The following PAMR1 variants were observed in gnomAD, a reference collection of about 807,000 sequenced individuals.
PAMR1 encodes inactive serine protease PAMR1.
Under a neutral mutation model 81.8 loss-of-function variants are expected in PAMR1, and 88 were observed. The observed-to-expected ratio is 1.08, with a 90% CI of 0.91 to 1.28. The LOEUF (loss-of-function observed/expected upper bound fraction) is 1.28. PAMR1 is among the 50% of genes most tolerant of loss of function. The pLI is 0.00. For missense variants in PAMR1, 935 were observed against 919.7 expected, an observed-to-expected ratio of 1.02 and a Z score of -0.21; for synonymous variants, 336 against 345.3, an observed-to-expected ratio of 0.97 and a Z score of 0.30.
Position 35,431,912 on chromosome 11 carries a change from T to C in PAMR1, c.*444A>G, listed in dbSNP as rs899945125. On this transcript the variant is annotated 3_prime_UTR_variant, in exon 11 of 11. Coordinates refer to ENST00000619888, the MANE Select transcript of PAMR1 (RefSeq NM_001001991.3). ...AAAGGACCAGACTGTACTGTGGCCA[T>C]GTACACAAAGGCATGCACCACATCC... 2.2e-5 allele frequency: 4 copies of C among 178,830 alleles called. No homozygotes were observed. The highest frequency in any genetic ancestry group is 7.1e-5 in the African/African-American group (3 of 42,036). 11.1% of individuals were successfully genotyped at this position (178,830 alleles called of 1,614,324 possible).
intron 6 of PAMR1, among the ~76,000 whole-genome samples, chr11:35,459,628 C>T (rs774594517): frequency 7.9e-5 from 12 of 152,280 alleles, no homozygotes; most frequent in African/African-American, 2.2e-4. Context: ...GAAGATTCCT[C>T]GGCTGCTAGG....
chr11:35,489,951 T>C (rs1031816126), intron 3 of PAMR1, among the ~76,000 whole-genome samples: 1 of 152,268 alleles, frequency 6.6e-6, no homozygotes, highest in African/African-American at 2.4e-5. Context: ...TGTATTAATC[T>C]GTTCCCACAC....
chr11:35,471,602 A>G (rs1158187817), intron 4 of PAMR1, among the ~76,000 whole-genome samples: 1 of 147,668 alleles, frequency 6.8e-6, no homozygotes, highest in Non-Finnish European at 1.5e-5. Context: ...TCACCCAAAG[A>G]GTAGAGAAAG....
intron 7 of PAMR1, among the ~76,000 whole-genome samples, chr11:35,440,990 T>C (rs1856152724): frequency 6.6e-6 from 1 of 152,200 alleles, no homozygotes; most frequent in Non-Finnish European, 1.5e-5. Flanking sequence ...CCTATAACTA[T>C]CCCTTGAATG....
chr11:35,490,827 C>T (rs1850610759), intron 3 of PAMR1, among the ~76,000 whole-genome samples: 1 of 152,138 alleles, frequency 6.6e-6, no homozygotes, highest in Non-Finnish European at 1.5e-5. Context: ...CATTATTCTC[C>T]TTTTTTATAA....
intron 6 of PAMR1, among the ~76,000 whole-genome samples, chr11:35,452,668 G>C (rs561653216): frequency 3.2e-4 from 49 of 152,168 alleles, no homozygotes; most frequent in African/African-American, 1.1e-3. Context: ...AAATGTGACT[G>C]TAAAATTTTG....
At chr11:35,472,975 T>C (rs61880922) in intron 4 of PAMR1, among the ~76,000 whole-genome samples, 3,881 of 152,174 alleles carry the variant, frequency 0.026, 108 homozygotes, top group Admixed American at 0.077. Flanking sequence ...AGAGAGGAGA[T>C]GGCAGAGCTG....
At chr11:35,436,233 T>C in intron 8 of PAMR1, 98 bp from the exon 9 acceptor site, 1 of 754,878 alleles carries the variant, frequency 1.3e-6, no homozygotes, top group Non-Finnish European at 2.3e-6. Flanking sequence ...GATATTTGTT[T>C]ACAGAAACAG....
intron 3 of PAMR1, among the ~76,000 whole-genome samples, chr11:35,482,676 T>C (rs1019491322): frequency 6.6e-6 from 1 of 152,212 alleles, no homozygotes; most frequent in African/African-American, 2.4e-5. Context: ...GAGGATGGAA[T>C]GTTTTTCCAT....
intron 1 of PAMR1, among the ~76,000 whole-genome samples, chr11:35,519,974 G>T (rs1018240748): frequency 2.6e-5 from 4 of 152,110 alleles, no homozygotes; most frequent in Non-Finnish European, 5.9e-5. Context: ...AAGCTCTTTT[G>T]TGTATGAAGT....
At chr11:35,468,436 A>G (rs1367489727) in intron 5 of PAMR1, among the ~76,000 whole-genome samples, 2 of 152,344 alleles carry the variant, frequency 1.3e-5, no homozygotes, top group African/African-American at 4.8e-5. Flanking sequence ...TAGGGGTTTC[A>G]GCGGACAGAG....
intron 3 of PAMR1, among the ~76,000 whole-genome samples, chr11:35,485,950 C>G (rs891249744): frequency 6.6e-6 from 1 of 152,238 alleles, no homozygotes; most frequent in Non-Finnish European, 1.5e-5. Context: ...ATGTAGGCGA[C>G]CCTTAACGTA....
intron 6 of PAMR1, among the ~76,000 whole-genome samples, chr11:35,450,821 A>G (rs901458981): frequency 6.6e-6 from 1 of 152,238 alleles, no homozygotes; most frequent in Non-Finnish European, 1.5e-5. Flanking sequence ...CTGGAGTTGA[A>G]AAGTGTCTTT....
intron 9 of PAMR1, among the ~76,000 whole-genome samples, chr11:35,435,486 G>A (rs1856020685): frequency 6.6e-6 from 1 of 152,094 alleles, no homozygotes; most frequent in African/African-American, 2.4e-5. Context: ...GAGATTACAG[G>A]CATGAGCCAC....
At position 35,470,693 on chromosome 11, in the gene PAMR1, A is replaced by G; in HGVS notation, c.620T>C (p.Ile207Thr). Residue 207 changes from isoleucine to threonine, a missense_variant, in exon 5 of 11, where the codon ATC becomes ACC. By Grantham distance (89) the Ile-to-Thr change is moderately conservative. Coordinates refer to ENST00000619888, the MANE Select transcript of PAMR1 (RefSeq NM_001001991.3). ...RVCGNERPAP[I>T]QSIGSSLHVL... ...GTGGAGTGAGGATCCTATGCTCTGG[A>G]TAGGAGCTGGCCGCTCGTTGCCACA... The G allele has an allele frequency of 6.2e-7, 1 of 1,614,120 alleles. No homozygotes were observed. Among genetic ancestry groups the G allele is most frequent in the African/African-American group, 1.3e-5 (1 of 75,036 alleles).
At chr11:35,515,900 AG>A (rs1851154513) in intron 1 of PAMR1, among the ~76,000 whole-genome samples, 1 of 152,102 alleles carries the variant, frequency 6.6e-6, no homozygotes, top group African/African-American at 2.4e-5. Flanking sequence ...GGCCTGAAAA[AG>A]GGAGCCTCAA....
At chr11:35,472,098 G>A (rs145515765) in intron 4 of PAMR1, among the ~76,000 whole-genome samples, 61 of 152,312 alleles carry the variant, frequency 4.0e-4, no homozygotes, top group African/African-American at 1.4e-3. Context: ...TGATCACAGA[G>A]CTTTTGGGGT....
intron 1 of PAMR1, among the ~76,000 whole-genome samples, chr11:35,495,802 T>C (rs1229128314): frequency 6.6e-6 from 1 of 152,212 alleles, no homozygotes; most frequent in Non-Finnish European, 1.5e-5. Flanking sequence ...TAAACTATCA[T>C]CATCTATCTT....
intron 1 of PAMR1, among the ~76,000 whole-genome samples, chr11:35,500,413 G>A (rs959224553): frequency 3.3e-5 from 5 of 152,136 alleles, no homozygotes; most frequent in Non-Finnish European, 7.4e-5. Context: ...GAGATGGGGC[G>A]CTGGAATACA....
Sources: gnomAD v4.1 joint callset for allele counts (sites outside exome capture counted in the v4.1 genomes callset) on GRCh38, gnomAD v4.1.1 for gene constraint, MANE v1.5 for transcripts, NCBI Gene and HGNC (gene_info 2026-07-23, HGNC 2026-07-21) for gene names.